TBL1X: variants seen among roughly 807,000 people sequenced by gnomAD.
The protein encoded by TBL1X is F-box-like/WD repeat-containing protein TBL1X.
TBL1X carries 10 observed loss-of-function variants against 50.7 expected under a neutral mutation model. The ratio of observed to expected loss-of-function variants is 0.20; its 90% CI spans 0.12 to 0.33. The LOEUF (loss-of-function observed/expected upper bound fraction) is 0.33, where lower values mean the gene tolerates loss of function less well. Ranked by LOEUF, TBL1X falls within the 10% of genes least tolerant of loss-of-function variation. The probability of loss-of-function intolerance (pLI) is 1.00; values close to 1 mark genes in which losing one functional copy is unlikely to be tolerated. For missense variants in TBL1X, 340 were observed against 504.4 expected (o/e 0.67, Z 3.12); for synonymous variants, 190 against 214.7 (o/e 0.88, Z 1.01).
intron 2 of TBL1X, among the ~76,000 whole-genome samples, chrX:9,617,803 A>G (rs2082646564): frequency 8.9e-6 from 1 of 112,531 alleles, no homozygotes. Flanking sequence ...GAGGAGCCAG[A>G]AAGATTACAC....
intron 5 of TBL1X, among the ~76,000 whole-genome samples, chrX:9,663,378 C>T (rs914288837): frequency 1.8e-5 from 2 of 112,108 alleles, no homozygotes; most frequent in African/African-American, 6.5e-5. Context: ...CACCACTCAG[C>T]TGTGAAAAGG....
At chrX:9,685,701 C>CT (rs1327029875) in intron 6 of TBL1X, among the ~76,000 whole-genome samples, 1 of 94,441 alleles carries the variant, frequency 1.1e-5, no homozygotes, top group Admixed American at 1.3e-4. Flanking sequence ...ATCCTGTTCT[C>CT]TTTTTCTTTT....
At chrX:9,602,759 T>C (rs2082563335) in intron 2 of TBL1X, among the ~76,000 whole-genome samples, 1 of 112,581 alleles carries the variant, frequency 8.9e-6, no homozygotes, top group South Asian at 3.7e-4. Flanking sequence ...TTAACTCTTA[T>C]GAGATATGTG....
chrX:9,709,861 G>T, intron 15 of TBL1X, 101 bp downstream of exon 15: 2 of 1,064,033 alleles, frequency 1.9e-6, no homozygotes, highest in Non-Finnish European at 2.5e-6. Context: ...GCCCTTCAGA[G>T]GAAGCAAAGC....
intron 2 of TBL1X, among the ~76,000 whole-genome samples, chrX:9,502,974 C>G (rs1369939653): frequency 8.9e-6 from 1 of 112,759 alleles, no homozygotes; most frequent in East Asian, 2.8e-4. Context: ...TTCCAAGCCT[C>G]CAGAACTCAA....
Position 9,697,327 on chromosome X carries a change from C to T in TBL1X, c.1054-42C>T, listed in dbSNP as rs376330310. On this transcript the variant is annotated intron_variant, in intron 11 of 17. Coordinates refer to ENST00000645353, the MANE Select transcript of TBL1X (RefSeq NM_005647.4). ...ATAAATGTTTCCAGAGAAAACTTTG[C>T]CAGAATAGTTACTAACTTTTTCCTT... 5 of 1,199,283 alleles carry T rather than the reference C, an allele frequency of 4.2e-6. No individual in the cohort carries two copies. In the African/African-American group the frequency reaches 8.8e-5, roughly 21 times the overall value.
chrX:9,502,621 A>G (rs947255800), intron 2 of TBL1X, among the ~76,000 whole-genome samples: 9 of 112,577 alleles, frequency 8.0e-5, no homozygotes, highest in Non-Finnish European at 1.1e-4. Context: ...CCATGTCCCT[A>G]ATAGATTACT....
At chrX:9,632,880 TG>T (rs2082728585) in intron 2 of TBL1X, among the ~76,000 whole-genome samples, 1 of 112,006 alleles carries the variant, frequency 8.9e-6, no homozygotes, top group African/African-American at 3.2e-5. Context: ...CATTTTTGCT[TG>T]TTTCAGCTAT....
chrX:9,529,567 G>A (rs990265902), intron 2 of TBL1X, among the ~76,000 whole-genome samples: 3 of 111,298 alleles, frequency 2.7e-5, no homozygotes, highest in African/African-American at 6.6e-5. Context: ...GCAGCTGTGC[G>A]CCTTGTTTCT....
At chrX:9,464,828 C>T (rs963590696), upstream of TBL1X, among the ~76,000 whole-genome samples, 8 of 110,496 alleles carry the variant, frequency 7.2e-5, no homozygotes, top group Non-Finnish European at 9.5e-5. Context: ...GGACGCTGGT[C>T]CCCCGACCGT....
chrX:9,683,272 G>T (rs1296962843), intron 5 of TBL1X, among the ~76,000 whole-genome samples: 1 of 111,810 alleles, frequency 8.9e-6, no homozygotes, highest in Non-Finnish European at 1.9e-5. Flanking sequence ...ATGGCTTTCT[G>T]TGTATTCGGT....
chrX:9,688,874 C>G (rs760210255), intron 7 of TBL1X, among the ~76,000 whole-genome samples: 1 of 113,577 alleles, frequency 8.8e-6, no homozygotes, highest in Admixed American at 9.2e-5. Flanking sequence ...GCATATGTGC[C>G]GTGCATGGCG....
intron 8 of TBL1X, among the ~76,000 whole-genome samples, 160 bp downstream of exon 8, chrX:9,691,871 A>G (rs2083100261): frequency 8.9e-6 from 1 of 112,083 alleles, no homozygotes; most frequent in Admixed American, 9.4e-5. Flanking sequence ...CCACTTCTCT[A>G]CATGTCTCAT....
At chrX:9,470,197 A>C (rs1183191391) in intron 1 of TBL1X, among the ~76,000 whole-genome samples, 1 of 112,589 alleles carries the variant, frequency 8.9e-6, no homozygotes, top group African/African-American at 3.2e-5. Flanking sequence ...CATCATGGAG[A>C]ATGGGGGTAT....
chrX:9,522,030 TTC>T (rs2082109630), intron 2 of TBL1X, among the ~76,000 whole-genome samples: 1 of 106,401 alleles, frequency 9.4e-6, no homozygotes, highest in Non-Finnish European at 1.9e-5. Flanking sequence ...TTTTTTTTTT[TTC>T]CCTGAGATGG....
At chrX:9,571,247 G>T (rs2082385024) in intron 2 of TBL1X, among the ~76,000 whole-genome samples, 1 of 111,568 alleles carries the variant, frequency 9.0e-6, no homozygotes, top group African/African-American at 3.3e-5. Context: ...TGTATGGGTG[G>T]GGTGGAGGGG....
intron 2 of TBL1X, among the ~76,000 whole-genome samples, chrX:9,602,925 A>G (rs2082564039): frequency 8.9e-6 from 1 of 112,794 alleles, no homozygotes; most frequent in Admixed American, 9.4e-5. Flanking sequence ...GCTTGTCTTC[A>G]TCCACCTGGG....
upstream of TBL1X, among the ~76,000 whole-genome samples, chrX:9,464,113 G>A (rs1032055395): frequency 6.3e-5 from 7 of 111,726 alleles, no homozygotes; most frequent in African/African-American, 2.3e-4. Flanking sequence ...AGGTGCTGGG[G>A]AGGGGGAGTG....
At chrX:9,649,564 T>C (rs2146595442) in intron 3 of TBL1X, among the ~76,000 whole-genome samples, 1 of 112,218 alleles carries the variant, frequency 8.9e-6, no homozygotes, top group Admixed American at 9.4e-5. Context: ...GAAGTTTTTC[T>C]AGTTGGAAGA....
Sources: gnomAD v4.1 joint callset for allele counts (sites outside exome capture counted in the v4.1 genomes callset) on GRCh38, gnomAD v4.1.1 for gene constraint, MANE v1.5 for transcripts, NCBI Gene and HGNC (gene_info 2026-07-23, HGNC 2026-07-21) for gene names.